The following SLC18A2 variants were observed in gnomAD, a reference collection of about 807,000 sequenced individuals.
The protein encoded by SLC18A2 is solute carrier family 18 member A2.
Under a neutral mutation model 59.2 loss-of-function variants are expected in SLC18A2, and 33 were observed. The observed-to-expected ratio is 0.56, with a 90% confidence interval of 0.42 to 0.75. SLC18A2 has a LOEUF of 0.75. SLC18A2 is among the 30% of genes least tolerant of loss of function. SLC18A2 has a pLI of 0.00. For synonymous variants in SLC18A2, 228 were observed against 253.5 expected (o/e 0.90, Z 0.95); for missense variants, 569 against 668.6 (o/e 0.85, Z 1.64).
intron 5 of SLC18A2, 58 bp from the exon 6 acceptor site, chr10:117,254,347 C>T: frequency 1.4e-6 from 2 of 1,417,172 alleles, no homozygotes; most frequent in Admixed American, 2.0e-5. Flanking sequence ...GCGAGTCACG[C>T]ATTATTCTTT....
chr10:117,266,641 TC>T, intron 10 of SLC18A2, 91 bp from the exon 11 acceptor site: 1 of 1,000,746 alleles, frequency 1.0e-6, no homozygotes, highest in Non-Finnish European at 1.5e-6. Flanking sequence ...TTTTATCTGC[TC>T]TCATCAACAT....
At chr10:117,250,706 TC>T (rs1844153976) in intron 3 of SLC18A2, among the ~76,000 whole-genome samples, 1 of 152,090 alleles carries the variant, frequency 6.6e-6, no homozygotes, top group African/African-American at 2.4e-5. Flanking sequence ...GTAATTCACC[TC>T]CCCGAGCCTC....
At chr10:117,243,871 C>T in intron 2 of SLC18A2, 100 bp from the exon 3 acceptor site, 1 of 910,830 alleles carries the variant, frequency 1.1e-6, no homozygotes, top group Non-Finnish European at 1.7e-6. Flanking sequence ...CAGGTGTGAG[C>T]CACTGCTCCC....
chr10:117,274,387 C>T (rs766537125), intron 15 of SLC18A2, among the ~76,000 whole-genome samples: 15 of 152,214 alleles, frequency 9.9e-5, no homozygotes, highest in South Asian at 2.1e-4. Context: ...TTTTTTGTTG[C>T]GTTCCTATCA....
chr10:117,251,305 T>C (rs1844159687), intron 3 of SLC18A2, among the ~76,000 whole-genome samples: 1 of 152,196 alleles, frequency 6.6e-6, no homozygotes, highest in Non-Finnish European at 1.5e-5. Flanking sequence ...TTCTCCTCTC[T>C]GAGCCTCCTG....
intron 3 of SLC18A2, among the ~76,000 whole-genome samples, chr10:117,250,867 G>C (rs1197295498): frequency 1.3e-5 from 2 of 152,244 alleles, no homozygotes; most frequent in Admixed American, 6.5e-5. Flanking sequence ...CACCACAGCT[G>C]TGCCCTGATG....
intron 13 of SLC18A2, chr10:117,268,261 CTTATT>C (rs201745986): frequency 0.012 from 1,877 of 153,580 alleles, 27 homozygotes; most frequent in Non-Finnish European, 0.019. Flanking sequence ...ACTTTTGTCT[CTTATT>C]TATAATATAC....
In SLC18A2 at chr10:117,241,636, G is replaced by A. The variant is rs540094005; in HGVS notation, c.-15-43G>A. On this transcript the variant is annotated intron_variant, in intron 1 of 15. Transcript: ENST00000644641. ...GGCCTGGGGGACGGGAGAATGGGGG[G>A]TCCACGGCCGCCTTGGGTCCTCACC... 168 of 1,502,030 alleles carry A rather than the reference G, an allele frequency of 1.1e-4. No homozygotes were observed. The African/African-American group carries it at 2.1e-3, about 18-fold the overall frequency. The allele number at this position is 1,502,030 out of a possible 1,614,324, so 93.0% of individuals were successfully genotyped here. A position where few individuals can be genotyped will look rare whatever the true frequency, so the allele number is the denominator to read the frequency against.
intron 3 of SLC18A2, among the ~76,000 whole-genome samples, chr10:117,250,775 C>A (rs1463997888): frequency 2.6e-5 from 4 of 152,216 alleles, no homozygotes; most frequent in African/African-American, 9.6e-5. Flanking sequence ...AATCTCAGGC[C>A]ACCCAGCATG....
At chr10:117,248,374 T>A (rs564630556) in intron 3 of SLC18A2, among the ~76,000 whole-genome samples, 1 of 152,308 alleles carries the variant, frequency 6.6e-6, no homozygotes, top group South Asian at 2.1e-4. Flanking sequence ...TTCTTCCTGT[T>A]TCATTTGTTA....
Position 117,244,288 on chromosome 10 carries a change from C to A in SLC18A2, c.439C>A (p.Pro147Thr). The change falls in exon 3 of 16, where the codon CCT (proline) becomes ACT (threonine). Residue 147 changes from proline to threonine, a missense_variant. By Grantham distance (38) the Pro-to-Thr change is conservative. This residue lies in a region of SLC18A2 where 377 missense variants were observed against 389.8 expected (regional missense o/e 0.97). Transcript: ENST00000644641. ...AGCCACCGTCCAGCTCATCACCAAC[C>A]CTTTCATAGGACTACTGACCAACAG... Reference protein sequence around the residue: ...SKATVQLITNPFIGLLTNRIG... With the variant: ...SKATVQLITNTFIGLLTNRIG... 1.9e-6 allele frequency: 3 copies of A among 1,614,030 alleles called. No homozygotes were observed. The highest frequency in any genetic ancestry group is 1.1e-5 in the South Asian group (1 of 91,074).
At chr10:117,273,197 A>G (rs1393113035) in intron 15 of SLC18A2, among the ~76,000 whole-genome samples, 2 of 152,168 alleles carry the variant, frequency 1.3e-5, no homozygotes, top group African/African-American at 4.8e-5. Context: ...GGTTTACTGG[A>G]TTTCTGTTTT....
rs527430402 is a variant in SLC18A2, at chr10:117,269,594, A to T, written c.1187-477A>T. Among the ~76,000 whole-genome samples the T allele has an allele frequency of 1.1e-4, 16 of 152,226 alleles. No individual in the cohort carries two copies. In the East Asian group the frequency reaches 2.9e-3, roughly 28 times the overall value. The stretch of plus-strand genomic sequence containing the variant: ...TCTCTGAGTATTGGTTTCCTCATCT[A>T]TAAAATGGGGATGCTCATGATTGGC... On this transcript the variant is annotated intron_variant, in intron 13 of 15. Coordinates refer to ENST00000644641, the MANE Select transcript of SLC18A2 (RefSeq NM_003054.6). This position sits in a 1 kb window ranked among gnomAD's most constrained non-coding sequence, Gnocchi z 5.1.
rs1046533552 is a variant in SLC18A2, at chr10:117,269,144, CACAT to C, written c.1187-921_1187-918del. On this transcript the variant is annotated intron_variant, in intron 13 of 15. Transcript: ENST00000644641. This position sits in a 1 kb window ranked among gnomAD's most constrained non-coding sequence, Gnocchi z 5.1. ...ACACATACACATACAAACACCCACC[CACAT>C]ACATATGCACACATACACACATACA... Among the ~76,000 whole-genome samples, 20 of 133,060 alleles carry C rather than the reference CACAT, an allele frequency of 1.5e-4. No individual in the cohort carries two copies. Among genetic ancestry groups the C allele is most frequent in the Admixed American group, 8.6e-4 (11 of 12,746 alleles). 87.3% of individuals were successfully genotyped at this position (133,060 alleles called of 152,430 possible).
chr10:117,273,078 G>GTGTT (rs1301513281), intron 15 of SLC18A2, among the ~76,000 whole-genome samples: 1 of 152,222 alleles, frequency 6.6e-6, no homozygotes, highest in African/African-American at 2.4e-5. Context: ...TGATAACAAG[G>GTGTT]TGTTTGGACT....
chr10:117,258,308 A>C (rs1844253029), intron 10 of SLC18A2, among the ~76,000 whole-genome samples: 1 of 152,256 alleles, frequency 6.6e-6, no homozygotes, highest in Admixed American at 6.5e-5. Flanking sequence ...GTGCTGATTG[A>C]GGACGTAAAA....
At position 117,255,469 on chromosome 10, in the gene SLC18A2, T is replaced by C. The variant is rs188072814; in HGVS notation, c.791-10T>C. 8.9e-5 allele frequency: 143 copies of C among 1,614,102 alleles called. 1 individual carries two copies. The East Asian group carries it at 2.8e-3, about 32-fold the overall frequency. On this transcript the variant is annotated splice_polypyrimidine_tract_variant and intron_variant, in intron 7 of 15. Transcript: ENST00000644641. ...AAGAGGGGCTTGTCTTTTTTATTTTTATTTTTTAGCTATTCAGCTCTTTGT... is the reference window on the plus strand; with the variant it reads ...AAGAGGGGCTTGTCTTTTTTATTTTCATTTTTTAGCTATTCAGCTCTTTGT...
chr10:117,243,920 G>T, intron 2 of SLC18A2, 51 bp from the exon 3 acceptor site: 1 of 1,463,922 alleles, frequency 6.8e-7, no homozygotes, highest in Non-Finnish European at 9.3e-7. Context: ...CTTTTTTCCT[G>T]GAGAGGGTTT....
At chr10:117,264,887 G>A (rs553324215) in intron 10 of SLC18A2, among the ~76,000 whole-genome samples, 4 of 152,262 alleles carry the variant, frequency 2.6e-5, no homozygotes, top group South Asian at 2.1e-4. Flanking sequence ...TTGGCCAGAC[G>A]CAGTTCCAGG....
Sources: gnomAD v4.1 joint callset for allele counts (sites outside exome capture counted in the v4.1 genomes callset) on GRCh38, gnomAD v4.1.1 for gene constraint, gnomAD v4.1.1 regional missense constraint, Gnocchi (gnomAD v3.1) non-coding constraint, MANE v1.5 for transcripts, NCBI Gene and HGNC (gene_info 2026-07-23, HGNC 2026-07-21) for gene names.